ADGRV1: variants seen among roughly 807,000 people sequenced by gnomAD.
ADGRV1 encodes adhesion G protein-coupled receptor V1.
A neutral mutation model predicts 596.2 loss-of-function variants in ADGRV1; 359 were observed. The ratio of observed to expected loss-of-function variants is 0.60; its 90% CI spans 0.55 to 0.66. The LOEUF (loss-of-function observed/expected upper bound fraction) is 0.66. Ranked by LOEUF, ADGRV1 falls within the 30% of genes least tolerant of loss-of-function variation. The pLI, the probability that ADGRV1 is intolerant of heterozygous loss-of-function variation, is 0.00. For synonymous variants in ADGRV1, 2,681 were observed against 2,679.2 expected (o/e 1.00, Z -0.02); for missense variants, 7,274 against 7,575.6 (o/e 0.96, Z 1.48).
intron 77 of ADGRV1, among the ~76,000 whole-genome samples, chr5:90,830,265 T>C (rs1366043460): frequency 6.6e-6 from 1 of 152,104 alleles, no homozygotes; most frequent in African/African-American, 2.4e-5. Flanking sequence ...CCCTATTATA[T>C]GAGACCCTAG....
chr5:90,952,776 C>T (rs1777158947), intron 83 of ADGRV1, among the ~76,000 whole-genome samples: 1 of 151,802 alleles, frequency 6.6e-6, no homozygotes, highest in South Asian at 2.1e-4. Context: ...TAGATCTTGA[C>T]TTGTCTCTCT....
intron 87 of ADGRV1, among the ~76,000 whole-genome samples, chr5:91,121,231 T>C (rs893580823): frequency 6.6e-6 from 1 of 152,142 alleles, no homozygotes; most frequent in Admixed American, 6.6e-5. Flanking sequence ...GGGAACACTA[T>C]TTATTTCTAG....
intron 70 of ADGRV1, among the ~76,000 whole-genome samples, chr5:90,795,240 A>G (rs1454855864): frequency 5.9e-5 from 9 of 151,942 alleles, no homozygotes; most frequent in Admixed American, 4.6e-4. Flanking sequence ...GCAAACTAAG[A>G]TCTACTGGTT....
At chr5:90,628,499 A>G in intron 7 of ADGRV1, 63 bp from the exon 8 acceptor site, 1 of 1,397,468 alleles carries the variant, frequency 7.2e-7, no homozygotes. Flanking sequence ...ACATTGGGAA[A>G]GCTTATCTAA....
At chr5:91,024,455 C>T (rs1783869000) in intron 85 of ADGRV1, among the ~76,000 whole-genome samples, 1 of 152,104 alleles carries the variant, frequency 6.6e-6, no homozygotes, top group South Asian at 2.1e-4. Flanking sequence ...TGTTTACATC[C>T]TCTGTAAGTC....
chr5:91,092,655 C>G (rs1790487874), intron 86 of ADGRV1: 1 of 151,824 alleles, frequency 6.6e-6, no homozygotes, highest in Non-Finnish European at 1.5e-5. Flanking sequence ...TAGAATGAGA[C>G]AAGATGAGAA....
At chr5:90,809,375 ATTAT>A (rs1350433362) in intron 73 of ADGRV1, among the ~76,000 whole-genome samples, 1 of 151,510 alleles carries the variant, frequency 6.6e-6, no homozygotes, top group Non-Finnish European at 1.5e-5. Context: ...AGTAGATTAT[ATTAT>A]TTGTCTCATT....
intron 77 of ADGRV1, 66 bp downstream of exon 77, chr5:90,829,252 G>A (rs896014427): frequency 2.0e-5 from 24 of 1,219,328 alleles, no homozygotes; most frequent in Non-Finnish European, 2.5e-5. Context: ...CAAGAGTAAT[G>A]ACATAGGGAA....
intron 83 of ADGRV1, among the ~76,000 whole-genome samples, chr5:90,881,132 C>T (rs1427001911): frequency 1.3e-5 from 2 of 152,178 alleles, no homozygotes; most frequent in African/African-American, 2.4e-5. Context: ...TTGTGCATCT[C>T]ATCTTTAGTT....
At chr5:91,012,263 AC>A (rs1392060827) in intron 85 of ADGRV1, among the ~76,000 whole-genome samples, 2 of 152,002 alleles carry the variant, frequency 1.3e-5, no homozygotes, top group African/African-American at 2.4e-5. Context: ...CAACTGTTAG[AC>A]ATTCCGTTTA....
chr5:90,561,787 T>C (rs1754867975), intron 1 of ADGRV1, among the ~76,000 whole-genome samples: 4 of 152,220 alleles, frequency 2.6e-5, no homozygotes, highest in Non-Finnish European at 4.4e-5. Context: ...GTAATGAGCT[T>C]CTTAGATAAT....
chr5:90,698,921 C>T (rs903705528), intron 34 of ADGRV1, among the ~76,000 whole-genome samples: 1 of 151,826 alleles, frequency 6.6e-6, no homozygotes, highest in Non-Finnish European at 1.5e-5. Flanking sequence ...ACTAACATGG[C>T]CAAAAAGGGG....
intron 85 of ADGRV1, among the ~76,000 whole-genome samples, chr5:91,004,718 T>A (rs1782131327): frequency 6.6e-6 from 1 of 152,174 alleles, no homozygotes; most frequent in Non-Finnish European, 1.5e-5. Flanking sequence ...TTGTGAATTC[T>A]AAAGCTAAAG....
chr5:90,594,908 T>G (rs1051469773), intron 1 of ADGRV1, among the ~76,000 whole-genome samples: 11 of 149,714 alleles, frequency 7.3e-5, no homozygotes, highest in Non-Finnish European at 1.6e-4. Context: ...ACGGCAACCA[T>G]CCGATTTCTC....
chr5:90,968,132 T>C (rs1778642511), intron 84 of ADGRV1, among the ~76,000 whole-genome samples: 1 of 152,144 alleles, frequency 6.6e-6, no homozygotes, highest in South Asian at 2.1e-4. Context: ...CCGGAAGGGC[T>C]ACTGCAGGAA....
chr5:90,986,111 C>CATAT (rs372775378), intron 85 of ADGRV1, among the ~76,000 whole-genome samples: 114 of 136,154 alleles, frequency 8.4e-4, no homozygotes, highest in African/African-American at 2.5e-3. Context: ...ATATATTATG[C>CATAT]ATATATATAT....
rs891240858 is a variant in ADGRV1 at position 90,745,504 on chromosome 5, A to C, written c.10770-87A>C. On this transcript the variant is annotated intron_variant, in intron 51 of 89. Coordinates refer to ENST00000405460, the MANE Select transcript of ADGRV1 (RefSeq NM_032119.4). Reference sequence around the variant, plus strand: ...ATGTTGTGATTCTTCCAAACCTTTAATATCAATTAATGTAATGAGTAGTCT... The same window carrying C: ...ATGTTGTGATTCTTCCAAACCTTTACTATCAATTAATGTAATGAGTAGTCT... 9.7e-6 allele frequency: 9 copies of C among 926,748 alleles called. No individual in the cohort carries two copies. In the African/African-American group the frequency reaches 1.5e-4, roughly 15 times the overall value. 57.4% of individuals were successfully genotyped at this position (926,748 alleles called of 1,614,324 possible).
At chr5:90,795,091 T>G (rs2438363) in intron 70 of ADGRV1, among the ~76,000 whole-genome samples, 11,211 of 148,114 alleles carry the variant, frequency 0.076, 1,367 homozygotes, top group African/African-American at 0.27. Flanking sequence ...CAGAAGTTTT[T>G]TTTTTTTTTT....
chr5:90,720,074 C>T lies in ADGRV1; in HGVS notation c.9474C>T (p.Asp3158=). 1.2e-6 allele frequency: 2 copies of T among 1,613,630 alleles called. No individual in the cohort carries two copies. The highest frequency in any genetic ancestry group is 1.7e-6 in the Non-Finnish European group (2 of 1,179,624). The change falls in exon 44 of 90, where the codon GAC becomes GAT. Residue 3158 remains aspartate (D), a synonymous_variant. Transcript: ENST00000405460. ...CCCTACAAATATCTGCCATATTAGACACGGAACCAGAAATGGATGAGTATT... is the reference window on the plus strand; with the variant it reads ...CCCTACAAATATCTGCCATATTAGATACGGAACCAGAAATGGATGAGTATT... The part of the protein sequence containing the change: ...FKALQISAIL[D]TEPEMDEYFV...
Sources: gnomAD v4.1 joint callset for allele counts (sites outside exome capture counted in the v4.1 genomes callset) on GRCh38, gnomAD v4.1.1 for gene constraint, MANE v1.5 for transcripts, NCBI Gene and HGNC (gene_info 2026-07-23, HGNC 2026-07-21) for gene names.